Variants in GABBR2 observed in about 807,000 individuals in gnomAD.
The protein encoded by GABBR2 is G-protein coupled receptor 51.
In GABBR2, 23 loss-of-function variants were observed where a neutral mutation model predicts 105.6. That is an observed-to-expected ratio of 0.22 (90% CI 0.16 to 0.31). The LOEUF (loss-of-function observed/expected upper bound fraction) is 0.31. GABBR2 is among the 10% of genes least tolerant of loss of function. GABBR2 has a pLI of 1.00. For missense variants in GABBR2, 734 were observed against 1,245.5 expected, an observed-to-expected ratio of 0.59 and a Z score of 6.18; for synonymous variants, 478 against 499.7, an observed-to-expected ratio of 0.96 and a Z score of 0.58.
chr9:98,639,518 TTACAAA>T lies in GABBR2; in HGVS notation c.322-61452_322-61447del, dbSNP rs1362491898. ...CACACCTTGCAGCGACACACTTTTC[TTACAAA>T]TACAACTTAATTAACCTGGCATAAA... is the stretch of plus-strand genomic sequence containing the variant. On this transcript the variant is annotated intron_variant, in intron 1 of 18. Transcript: ENST00000259455. Among the ~76,000 whole-genome samples, 38 of 152,118 alleles carry T rather than the reference TTACAAA, an allele frequency of 2.5e-4. No homozygotes were observed. The East Asian group carries it at 6.8e-3, about 27-fold the overall frequency.
intron 6 of GABBR2, among the ~76,000 whole-genome samples, chr9:98,472,832 A>C (rs1333350006): frequency 6.6e-6 from 1 of 152,136 alleles, no homozygotes; most frequent in Non-Finnish European, 1.5e-5. Flanking sequence ...GGAGCACGGG[A>C]TGAACTTTTA....
At chr9:98,647,115 A>C (rs1830036063) in intron 1 of GABBR2, among the ~76,000 whole-genome samples, 3 of 152,204 alleles carry the variant, frequency 2.0e-5, no homozygotes, top group Admixed American at 2.0e-4. Flanking sequence ...AAATTGAACA[A>C]ACACAGGTGA....
chr9:98,418,408 T>C (rs779387361), intron 7 of GABBR2, among the ~76,000 whole-genome samples: 1 of 151,872 alleles, frequency 6.6e-6, no homozygotes, highest in African/African-American at 2.4e-5. Context: ...GGTGGTGCAC[T>C]CCTCTAGTCT....
chr9:98,605,074 G>T (rs962318948), intron 1 of GABBR2, among the ~76,000 whole-genome samples: 5 of 152,236 alleles, frequency 3.3e-5, no homozygotes, highest in African/African-American at 4.8e-5. Context: ...CAGGAGACAA[G>T]ATACGTACAT....
In GABBR2 at chr9:98,454,100, T is replaced by C. The variant is rs1017426048; in HGVS notation, c.1117A>G (p.Met373Val). The change falls in exon 7 of 19, where the codon ATG becomes GTG. Residue 373 changes from methionine to valine, a missense_variant. By Grantham distance (21) the Met-to-Val change is conservative. Transcript: ENST00000259455. This position sits in a 1 kb window ranked among gnomAD's most constrained non-coding sequence, Gnocchi z 4.6. Reference protein sequence around the residue: ...WVIAKTLQRAMETLHASSRHQ... With the variant: ...WVIAKTLQRAVETLHASSRHQ... Reference sequence around the variant, plus strand: ...CGGCTGCTGGCATGCAGTGTCTCCATGGCCCTCTGCAGTGTCTTGGCGATG... The same window carrying C: ...CGGCTGCTGGCATGCAGTGTCTCCACGGCCCTCTGCAGTGTCTTGGCGATG... 1.9e-6 allele frequency: 3 copies of C among 1,613,992 alleles called. No individual in the cohort carries two copies. The highest frequency in any genetic ancestry group is 3.3e-5 in the Admixed American group (2 of 60,024).
intron 4 of GABBR2, among the ~76,000 whole-genome samples, chr9:98,488,206 G>T (rs1448960054): frequency 6.6e-6 from 1 of 152,180 alleles, no homozygotes; most frequent in Non-Finnish European, 1.5e-5. Flanking sequence ...AGATAAATTT[G>T]TGTTGCTTGA....
chr9:98,548,542 G>C lies in GABBR2; in HGVS notation c.460-6499C>G, dbSNP rs538086593. ...GTGCTCCCCTCCTCTTCTCATCCAG[G>C]TTTTTTTTCCCCCTAGGAATGTATA... On this transcript the variant is annotated intron_variant, in intron 2 of 18. Coordinates refer to ENST00000259455, the MANE Select transcript of GABBR2 (RefSeq NM_005458.8). Among the ~76,000 whole-genome samples the C allele has an allele frequency of 3.5e-5, 4 of 114,924 alleles. 2 individuals are homozygous for C. The East Asian group carries it at 1.5e-3, about 44-fold the overall frequency. 75.4% of individuals were successfully genotyped at this position (114,924 alleles called of 152,430 possible). A position where few individuals can be genotyped will look rare whatever the true frequency, so the allele number is the denominator to read the frequency against.
intron 2 of GABBR2, among the ~76,000 whole-genome samples, chr9:98,566,655 A>G (rs1237456925): frequency 1.3e-5 from 2 of 152,052 alleles, no homozygotes. Context: ...AGCCTGGGTG[A>G]CAGACTGAGA....
Position 98,497,884 on chromosome 9 carries a change from G to A in GABBR2, c.631-1370C>T, listed in dbSNP as rs370154594. 2.6e-4 allele frequency among the ~76,000 whole-genome samples: 39 copies of A among 152,114 alleles called. 1 individual carries two copies. In the South Asian group the frequency reaches 3.5e-3, roughly 14 times the overall value. On this transcript the variant is annotated intron_variant, in intron 3 of 18. Transcript: ENST00000259455. ...ATCCAGCAATTCCACTTCTGGGCAC[G>A]TACCCAAAAGAATTGGAAGCAGGGA...
At chr9:98,565,013 A>T (rs1828731116) in intron 2 of GABBR2, among the ~76,000 whole-genome samples, 1 of 152,160 alleles carries the variant, frequency 6.6e-6, no homozygotes, top group South Asian at 2.1e-4. Flanking sequence ...TGAGAACAAC[A>T]TGGGCAACAG....
At chr9:98,648,396 G>C (rs1450943022) in intron 1 of GABBR2, among the ~76,000 whole-genome samples, 1 of 152,064 alleles carries the variant, frequency 6.6e-6, no homozygotes, top group Admixed American at 6.6e-5. Flanking sequence ...GCCTCCCAAA[G>C]TGCTGGGATT....
At position 98,519,991 on chromosome 9, in the gene GABBR2, G is replaced by A. The variant is rs554944050; in HGVS notation, c.630+21882C>T. ...GGGAGAGAGGCAAAAGCATGAACTC[G>A]AGTCAGGTGACTCTAGACTAGCATG... On this transcript the variant is annotated intron_variant, in intron 3 of 18. Transcript: ENST00000259455. Among the ~76,000 whole-genome samples, 36 of 152,282 alleles carry A rather than the reference G, an allele frequency of 2.4e-4. No homozygotes were observed. The South Asian group carries it at 3.5e-3, about 15-fold the overall frequency.
intron 1 of GABBR2, among the ~76,000 whole-genome samples, chr9:98,690,370 C>A (rs1179743346): frequency 1.3e-5 from 2 of 152,184 alleles, no homozygotes; most frequent in Admixed American, 1.3e-4. Context: ...GCCATTACAG[C>A]TCTCTTTTGC....
In GABBR2 at chr9:98,708,690, C is replaced by A; in HGVS notation, c.48G>T (p.Pro16=). Residue 16 remains proline, a synonymous_variant, in exon 1 of 19, where the codon CCG becomes CCT. Coordinates refer to ENST00000259455, the MANE Select transcript of GABBR2 (RefSeq NM_005458.8). ...SSGQPGPPPP[P]PPPPARLLLL... is the part of the protein sequence containing the mutation. Reference sequence around the variant, plus strand: ...GTAGCAGGCGCGCGGGCGGCGGTGGCGGCGGCGGCGGCGGCCCGGGCTGCC... The same window carrying A: ...GTAGCAGGCGCGCGGGCGGCGGTGGAGGCGGCGGCGGCGGCCCGGGCTGCC... The A allele has an allele frequency of 1.0e-6, 1 of 976,340 alleles. No individual in the cohort carries two copies. The highest frequency in any genetic ancestry group is 1.2e-6 in the Non-Finnish European group (1 of 815,180). The allele number at this position is 976,340 out of a possible 1,614,324, so 60.5% of individuals were successfully genotyped here.
chr9:98,645,450 ACT>A (rs1468488153), intron 1 of GABBR2, among the ~76,000 whole-genome samples: 1 of 152,138 alleles, frequency 6.6e-6, no homozygotes, highest in African/African-American at 2.4e-5. Context: ...TGTCTAGTTC[ACT>A]CTGTTACTAT....
At chr9:98,326,510 G>A (rs1179043272) in intron 13 of GABBR2, among the ~76,000 whole-genome samples, 1 of 152,208 alleles carries the variant, frequency 6.6e-6, no homozygotes, top group Non-Finnish European at 1.5e-5. Flanking sequence ...GAGATCATGT[G>A]ACTAAGTCTG....
intron 10 of GABBR2, among the ~76,000 whole-genome samples, chr9:98,387,943 C>T (rs73499041): frequency 0.041 from 6,174 of 152,248 alleles, 446 homozygotes; most frequent in African/African-American, 0.14. Flanking sequence ...CGACAGCCCA[C>T]GAGTTCATGC....
At chr9:98,319,965 A>T (rs1226383280) in intron 13 of GABBR2, among the ~76,000 whole-genome samples, 1 of 152,186 alleles carries the variant, frequency 6.6e-6, no homozygotes. Flanking sequence ...ACAAAAGACA[A>T]AATTGACAAA....
chr9:98,555,793 T>A (rs884886), intron 2 of GABBR2: 1 of 152,058 alleles, frequency 6.6e-6, no homozygotes, highest in East Asian at 1.9e-4. Flanking sequence ...CATTTCTTAC[T>A]TCTGGGATCA....
Sources: allele counts gnomAD v4.1 joint callset (sites outside exome capture counted in the v4.1 genomes callset), GRCh38; gene constraint gnomAD v4.1.1; non-coding constraint Gnocchi (gnomAD v3.1); transcripts MANE v1.5; gene names NCBI Gene and HGNC (gene_info 2026-07-23, HGNC 2026-07-21).